Variants in CAPRIN2 observed in about 807,000 individuals in gnomAD.
CAPRIN2 encodes the protein caprin family member 2.
In CAPRIN2, 66 loss-of-function variants were observed where a neutral mutation model predicts 130.4. The observed-to-expected ratio is 0.51, with a 90% CI of 0.42 to 0.62. The LOEUF (loss-of-function observed/expected upper bound fraction) is 0.62. Ranked by LOEUF, CAPRIN2 falls within the 20% of genes least tolerant of loss-of-function variation. CAPRIN2 has a pLI of 0.00. For synonymous variants in CAPRIN2, 471 were observed against 444.1 expected, an observed-to-expected ratio of 1.06 and a Z score of -0.76; for missense variants, 1,185 against 1,246.6, an observed-to-expected ratio of 0.95 and a Z score of 0.74.
At chr12:30,732,836 C>T (rs910093274) in intron 5 of CAPRIN2, among the ~76,000 whole-genome samples, 2 of 151,998 alleles carry the variant, frequency 1.3e-5, no homozygotes, top group African/African-American at 4.8e-5. Context: ...CTTATATGAA[C>T]ACGTCTTCAT....
chr12:30,738,738 A>C (rs192917636), intron 3 of CAPRIN2, among the ~76,000 whole-genome samples: 116 of 152,324 alleles, frequency 7.6e-4, no homozygotes, highest in African/African-American at 2.7e-3. Context: ...AAATGGGCAA[A>C]GGACATGATG....
intron 3 of CAPRIN2, among the ~76,000 whole-genome samples, chr12:30,738,235 A>G (rs1021338181): frequency 2.0e-5 from 3 of 152,176 alleles, no homozygotes; most frequent in Non-Finnish European, 2.9e-5. Flanking sequence ...AACACAGGCA[A>G]GTAAAAATAA....
intron 1 of CAPRIN2, among the ~76,000 whole-genome samples, chr12:30,752,046 G>C (rs1354917024): frequency 1.3e-5 from 2 of 151,194 alleles, no homozygotes; most frequent in African/African-American, 4.9e-5. Flanking sequence ...AGCCTCCTGA[G>C]TAGGTGGGAT....
exon 1 of CAPRIN2, chr12:30,753,669 A>T: frequency 1.9e-6 from 3 of 1,614,230 alleles, no homozygotes; most frequent in Non-Finnish European, 2.5e-6. Context: ...CAGCCAGGCA[A>T]TAACTTCCCT....
intron 1 of CAPRIN2, among the ~76,000 whole-genome samples, chr12:30,752,125 T>C (rs564151569): frequency 6.6e-6 from 1 of 152,110 alleles, no homozygotes; most frequent in East Asian, 1.9e-4. Context: ...TTTCATCATG[T>C]TGGCCAGGCT....
rs975056252 is a variant in CAPRIN2 at position 30,715,589 on chromosome 12, G to C, written c.2318-448C>G. On this transcript the variant is annotated intron_variant, in intron 13 of 16. Coordinates refer to ENST00000298892, the Ensembl canonical transcript of CAPRIN2. ...AGATGAAAAGTTCTGGAGGTGGACA[G>C]TGGTAATAATTACACAACAGTTTGG... 3 of 374,446 alleles carry C rather than the reference G, an allele frequency of 8.0e-6. No homozygotes were observed. The Admixed American group carries it at 1.1e-4, about 14-fold the overall frequency. The allele number at this position is 374,446 out of a possible 1,614,324, so 23.2% of individuals were successfully genotyped here. A position where few individuals can be genotyped will look rare whatever the true frequency, so the allele number is the denominator to read the frequency against.
At chr12:30,733,817 G>T in intron 4 of CAPRIN2, 106 bp from the exon 6 acceptor site, 1 of 754,994 alleles carries the variant, frequency 1.3e-6, no homozygotes, top group Non-Finnish European at 2.3e-6. Context: ...ACATTCAAAT[G>T]TTAATTTTGT....
chr12:30,720,433 AC>A (rs1284557912), intron 12 of CAPRIN2: 1 of 157,574 alleles, frequency 6.3e-6, no homozygotes, highest in Non-Finnish European at 1.4e-5. Context: ...ACTCATTCCA[AC>A]TCAATAAGTG....
At chr12:30,753,592 C>T in exon 1 of CAPRIN2, 3 of 1,613,986 alleles carry the variant, frequency 1.9e-6, no homozygotes, top group Non-Finnish European at 2.5e-6. Flanking sequence ...AAGAGTTGCA[C>T]CATTGAAACA....
At chr12:30,715,189 T>C (rs781775123) in intron 13 of CAPRIN2, 48 bp from the exon 16 acceptor site, 2 of 1,498,544 alleles carry the variant, frequency 1.3e-6, no homozygotes, top group Non-Finnish European at 1.8e-6. Flanking sequence ...ATGGTAATAG[T>C]CTTTATACTT....
rs2057734335 is a variant in CAPRIN2, at chr12:30,716,821, CAAAT to C, written c.2149-149_2149-146del. On this transcript the variant is annotated intron_variant, in intron 12 of 16. Coordinates refer to ENST00000298892, the Ensembl canonical transcript of CAPRIN2. ...ACATCTCTCCAAAGAAGATAAATGG[CAAAT>C]AAGCACATGAAAACATGCTCATCAT... is the stretch of plus-strand genomic sequence containing the variant. 7.8e-6 allele frequency: 5 copies of C among 641,908 alleles called. No individual in the cohort carries two copies. In the East Asian group the frequency reaches 1.4e-4, roughly 18 times the overall value. The allele number at this position is 641,908 out of a possible 1,614,324, so 39.8% of individuals were successfully genotyped here.
chr12:30,731,233 G>A (rs755120005), intron 6 of CAPRIN2, 110 bp downstream of exon 7: 144 of 697,906 alleles, frequency 2.1e-4, no homozygotes, highest in Middle Eastern at 3.5e-4. Flanking sequence ...AGATTTCCAT[G>A]CATGTAGAAC....
chr12:30,724,514 T>C (rs562062395), intron 9 of CAPRIN2, 63 bp from the exon 11 acceptor site: 58 of 1,106,030 alleles, frequency 5.2e-5, no homozygotes, highest in African/African-American at 5.2e-4. Context: ...GCTATTACCA[T>C]TGAATTATTC....
intron 2 of CAPRIN2, among the ~76,000 whole-genome samples, chr12:30,741,978 T>C (rs1319191700): frequency 1.3e-5 from 2 of 152,024 alleles, no homozygotes; most frequent in African/African-American, 4.8e-5. Context: ...ACCAATGAAA[T>C]ACTGATACAT....
At chr12:30,715,505 T>TG (rs1381045339) in intron 13 of CAPRIN2, 3 of 455,420 alleles carry the variant, frequency 6.6e-6, no homozygotes, top group South Asian at 3.1e-5. Flanking sequence ...TGCCAGGGGC[T>TG]GGGGGGAGAG....
chr12:30,743,676 A>C (rs776905849), intron 2 of CAPRIN2, among the ~76,000 whole-genome samples: 1 of 152,168 alleles, frequency 6.6e-6, no homozygotes, highest in Admixed American at 6.5e-5. Context: ...TACCTCACAA[A>C]GATGCTGTAC....
chr12:30,740,888 A>G lies in CAPRIN2; in HGVS notation c.570+132T>C, dbSNP rs975598821. ...CTCCAACAGTTATCCTCAACCTTCC[A>G]TCACGATAAAATATCAGCAGAAATT... On this transcript the variant is annotated intron_variant, in intron 3 of 16. Transcript: ENST00000298892. The G allele has an allele frequency of 1.3e-5, 8 of 607,240 alleles. No homozygotes were observed. In the African/African-American group the frequency reaches 1.5e-4, roughly 11 times the overall value. 37.6% of individuals were successfully genotyped at this position (607,240 alleles called of 1,614,324 possible).
At position 30,743,833 on chromosome 12, in the gene CAPRIN2, C is replaced by T. The variant is rs193298086; in HGVS notation, c.484-2727G>A. 1.2e-3 allele frequency among the ~76,000 whole-genome samples: 184 copies of T among 152,256 alleles called. 1 individual carries two copies. Among genetic ancestry groups the T allele is most frequent in the Admixed American group, 4.8e-3 (73 of 15,302 alleles). ...AGGCTTCTCTATTCTGCCTTCTATA[C>T]TTTTATCCAAGACAGTCTTATCTCC... On this transcript the variant is annotated intron_variant, in intron 2 of 16. Transcript: ENST00000298892.
exon 16 of CAPRIN2, chr12:30,711,592 G>C: frequency 1.9e-6 from 3 of 1,613,846 alleles, no homozygotes; most frequent in Non-Finnish European, 2.5e-6. Context: ...TGGACCACCA[G>C]ATGTCCCTCC....
Sources: gnomAD v4.1 joint callset for allele counts (sites outside exome capture counted in the v4.1 genomes callset) on GRCh38, gnomAD v4.1.1 for gene constraint, MANE v1.5 for transcripts, NCBI Gene and HGNC (gene_info 2026-07-23, HGNC 2026-07-21) for gene names.